Variants in LPP observed in about 807,000 individuals in gnomAD.
The protein encoded by LPP is LIM domain containing preferred translocation partner in lipoma.
LPP carries 38 observed loss-of-function variants against 60.4 expected under a neutral mutation model. The ratio of observed to expected loss-of-function variants is 0.63; its 90% CI spans 0.49 to 0.83. The LOEUF is 0.83. Ranked by LOEUF, LPP falls within the 40% of genes least tolerant of loss-of-function variation. LPP has a pLI of 0.00. For synonymous variants in LPP, 328 were observed against 290.8 expected (o/e 1.13, Z -1.30); for missense variants, 902 against 783.6 (o/e 1.15, Z -1.80).
intron 5 of LPP, 52 bp from the exon 6 acceptor site, chr3:188,524,613 A>G (rs1170903773): frequency 1.3e-6 from 2 of 1,555,260 alleles, no homozygotes; most frequent in African/African-American, 2.8e-5. Context: ...TGAACTTATA[A>G]TGATATCAAG....
intron 3 of LPP, among the ~76,000 whole-genome samples, chr3:188,390,292 C>G (rs1343598981): frequency 6.6e-6 from 1 of 152,172 alleles, no homozygotes; most frequent in Non-Finnish European, 1.5e-5. Context: ...ATTTCTTCCT[C>G]TAGATCACAA....
intron 2 of LPP, among the ~76,000 whole-genome samples, chr3:188,309,914 C>T (rs567503946): frequency 3.7e-4 from 56 of 152,212 alleles, no homozygotes; most frequent in African/African-American, 1.2e-3. Context: ...AAACTTCTTG[C>T]AGACCACAGA....
chr3:188,307,941 G>A (rs1248088526), intron 2 of LPP, among the ~76,000 whole-genome samples: 1 of 152,088 alleles, frequency 6.6e-6, no homozygotes, highest in African/African-American at 2.4e-5. Context: ...GGGTGTAAGT[G>A]TGTGTGTGTG....
intron 1 of LPP, among the ~76,000 whole-genome samples, chr3:188,185,834 C>T (rs1170331018): frequency 6.6e-6 from 1 of 152,062 alleles, no homozygotes; most frequent in South Asian, 2.1e-4. Context: ...TGTCAGCTGC[C>T]TGAGATCAAA....
At chr3:188,202,202 G>A (rs1731278121) in intron 1 of LPP, among the ~76,000 whole-genome samples, 1 of 152,058 alleles carries the variant, frequency 6.6e-6, no homozygotes, top group Non-Finnish European at 1.5e-5. Context: ...CATCAGTAAT[G>A]CTTTTTGAAT....
intron 1 of LPP, among the ~76,000 whole-genome samples, chr3:188,174,928 G>T (rs1016065305): frequency 6.6e-6 from 1 of 151,976 alleles, no homozygotes; most frequent in African/African-American, 2.4e-5. Context: ...ACCTTCTCTT[G>T]TAGTTATCAA....
chr3:188,380,283 A>G (rs1221110282), intron 3 of LPP, among the ~76,000 whole-genome samples: 1 of 152,278 alleles, frequency 6.6e-6, no homozygotes, highest in East Asian at 1.9e-4. Flanking sequence ...GATAGATTAT[A>G]GTTATAAATG....
At chr3:188,250,789 TCTTTC>T (rs1403508909) in intron 2 of LPP, among the ~76,000 whole-genome samples, 111 of 93,696 alleles carry the variant, frequency 1.2e-3, no homozygotes, top group African/African-American at 5.3e-3. Flanking sequence ...TTTCTTTCTG[TCTTTC>T]TCTTTCTTTC....
At chr3:188,641,569 AG>A (rs1321742290) in intron 7 of LPP, among the ~76,000 whole-genome samples, 1 of 152,236 alleles carries the variant, frequency 6.6e-6, no homozygotes, top group Non-Finnish European at 1.5e-5. Flanking sequence ...ACTATTGAAT[AG>A]AAGTGGTCTA....
intron 1 of LPP, among the ~76,000 whole-genome samples, chr3:188,224,912 A>G (rs74698002): frequency 0.098 from 14,955 of 152,140 alleles, 1,183 homozygotes; most frequent in African/African-American, 0.22. Flanking sequence ...GAGGGGACAC[A>G]TATCCAAATG....
At chr3:188,611,514 A>G (rs1843711324) in intron 7 of LPP, among the ~76,000 whole-genome samples, 1 of 152,214 alleles carries the variant, frequency 6.6e-6, no homozygotes, top group Non-Finnish European at 1.5e-5. Context: ...CAACAATTGC[A>G]ACAGATTTAC....
chr3:188,552,083 C>T (rs1171494589), intron 6 of LPP, among the ~76,000 whole-genome samples: 3 of 152,152 alleles, frequency 2.0e-5, no homozygotes, highest in Admixed American at 6.6e-5. Context: ...TTTTAATTTT[C>T]CCCTCTGTCA....
intron 3 of LPP, among the ~76,000 whole-genome samples, chr3:188,360,754 G>A (rs1017399075): frequency 2.0e-5 from 3 of 152,118 alleles, no homozygotes; most frequent in African/African-American, 7.2e-5. Context: ...AGACAGTTTT[G>A]CATAAATGAA....
At chr3:188,718,115 C>T (rs1235611277) in intron 8 of LPP, among the ~76,000 whole-genome samples, 1 of 152,194 alleles carries the variant, frequency 6.6e-6, no homozygotes, top group Non-Finnish European at 1.5e-5. Context: ...AGCCACTGCA[C>T]CCGGCCTGGC....
chr3:188,170,577 C>T (rs1347687370), intron 1 of LPP, among the ~76,000 whole-genome samples: 4 of 151,922 alleles, frequency 2.6e-5, no homozygotes, highest in Middle Eastern at 3.4e-3. Context: ...GTGATCTGCC[C>T]GCCTCGATCT....
intron 2 of LPP, among the ~76,000 whole-genome samples, chr3:188,234,569 A>T (rs555301910): frequency 1.3e-5 from 2 of 152,204 alleles, no homozygotes; most frequent in Non-Finnish European, 2.9e-5. Context: ...GCCCAAGATC[A>T]CGTAGCCCAT....
chr3:188,679,519 CTGTGTGTGTGTGTGTGTGTGTG>C (rs56733573), intron 7 of LPP, among the ~76,000 whole-genome samples: 13 of 143,106 alleles, frequency 9.1e-5, no homozygotes, highest in African/African-American at 3.4e-4. Context: ...TTTGAATACT[CTGTGTGTGTGTGTGTGTGTGTG>C]TGTGTGTGTG....
At chr3:188,284,085 T>C (rs1743090013) in intron 2 of LPP, among the ~76,000 whole-genome samples, 1 of 152,064 alleles carries the variant, frequency 6.6e-6, no homozygotes, top group Non-Finnish European at 1.5e-5. Context: ...CAATATGGTT[T>C]ATATCCTTCT....
rs139603508 is a variant in LPP, at chr3:188,860,748, G to A, written c.1411-5452G>A. On this transcript the variant is annotated intron_variant, in intron 9 of 11. Coordinates refer to ENST00000617246, the MANE Select transcript of LPP (RefSeq NM_001375462.1). ...TTTATGCAAGCATACTGTTGTAGAT[G>A]CTTGGGATCCAACGACGAGTTTTCT... 9.7e-4 allele frequency among the ~76,000 whole-genome samples: 148 copies of A among 152,314 alleles called. No homozygotes were observed. The East Asian group carries it at 0.011, about 12-fold the overall frequency.
Sources: allele counts gnomAD v4.1 joint callset (sites outside exome capture counted in the v4.1 genomes callset), GRCh38; gene constraint gnomAD v4.1.1; transcripts MANE v1.5; gene names NCBI Gene and HGNC (gene_info 2026-07-23, HGNC 2026-07-21).